The following CDH18 variants were observed in gnomAD, a reference collection of about 807,000 sequenced individuals.
The protein encoded by CDH18 is cadherin-18.
In CDH18, 31 loss-of-function variants were observed where a neutral mutation model predicts 67.9. The ratio of observed to expected loss-of-function variants is 0.46; its 90% CI spans 0.34 to 0.62. The LOEUF (loss-of-function observed/expected upper bound fraction) is 0.62. CDH18 is among the 20% of genes least tolerant of loss of function. The probability of loss-of-function intolerance (pLI) is 0.01; values close to 1 mark genes in which losing one functional copy is unlikely to be tolerated. For synonymous variants in CDH18, 362 were observed against 347.2 expected (o/e 1.04, Z -0.48); for missense variants, 890 against 975.5 (o/e 0.91, Z 1.17).
At chr5:19,685,630 T>G (rs1380380502) in intron 5 of CDH18, among the ~76,000 whole-genome samples, 1 of 152,166 alleles carries the variant, frequency 6.6e-6, no homozygotes, top group Admixed American at 6.5e-5. Context: ...TATAGACGCA[T>G]CCAGGCAGCA....
intron 2 of CDH18, among the ~76,000 whole-genome samples, chr5:20,001,033 G>GA (rs1454575398): frequency 6.6e-6 from 1 of 152,120 alleles, no homozygotes; most frequent in African/African-American, 2.4e-5. Flanking sequence ...TGGTTACTGT[G>GA]AAAAAATGAT....
chr5:19,643,056 G>C (rs982992389), intron 5 of CDH18, among the ~76,000 whole-genome samples: 1 of 151,988 alleles, frequency 6.6e-6, no homozygotes. Flanking sequence ...CAAAAGAAGA[G>C]AAATTGCTAC....
intron 2 of CDH18, among the ~76,000 whole-genome samples, chr5:20,032,079 T>C (rs1739447876): frequency 6.6e-6 from 1 of 152,046 alleles, no homozygotes; most frequent in Non-Finnish European, 1.5e-5. Context: ...TTAAAAAGCT[T>C]ATTTTCTAGA....
At chr5:19,738,923 G>T (rs1272016634) in intron 4 of CDH18, among the ~76,000 whole-genome samples, 1 of 151,926 alleles carries the variant, frequency 6.6e-6, no homozygotes, top group East Asian at 1.9e-4. Flanking sequence ...AAAAGTAAAT[G>T]GAAAGACTGA....
intron 4 of CDH18, among the ~76,000 whole-genome samples, chr5:19,731,896 C>G (rs1767645918): frequency 6.6e-6 from 1 of 152,014 alleles, no homozygotes; most frequent in Non-Finnish European, 1.5e-5. Context: ...TTAAGACCAG[C>G]CTGGGCAACA....
At chr5:20,007,700 T>C (rs1035976320) in intron 2 of CDH18, among the ~76,000 whole-genome samples, 5 of 151,436 alleles carry the variant, frequency 3.3e-5, no homozygotes, top group African/African-American at 1.2e-4. Context: ...TGTGTGTGTG[T>C]GTGTGTGTGT....
At chr5:20,063,467 T>C (rs1742686157) in intron 2 of CDH18, among the ~76,000 whole-genome samples, 1 of 152,084 alleles carries the variant, frequency 6.6e-6, no homozygotes, top group South Asian at 2.1e-4. Flanking sequence ...TCTTGTATCA[T>C]AGCAATCCCA....
chr5:19,512,555 G>T (rs1312477492), intron 10 of CDH18, among the ~76,000 whole-genome samples: 2 of 152,060 alleles, frequency 1.3e-5, no homozygotes. Context: ...AAATGGTCTA[G>T]TGTTTCAACT....
chr5:19,640,100 T>C (rs757142964), intron 5 of CDH18, among the ~76,000 whole-genome samples: 78 of 152,298 alleles, frequency 5.1e-4, no homozygotes, highest in Non-Finnish European at 9.1e-4. Context: ...TAGATCTGTC[T>C]TATGAGAAAT....
intron 1 of CDH18, among the ~76,000 whole-genome samples, chr5:20,474,915 T>C (rs967129929): frequency 7.9e-5 from 12 of 152,248 alleles, no homozygotes; most frequent in Admixed American, 5.2e-4. Context: ...TTTCATTTAT[T>C]GTGCTGTCTG....
At chr5:19,679,706 A>G (rs1760001493) in intron 5 of CDH18, among the ~76,000 whole-genome samples, 3 of 152,008 alleles carry the variant, frequency 2.0e-5, no homozygotes, top group African/African-American at 7.2e-5. Context: ...CACAAGTAGA[A>G]TAAAATATCT....
chr5:19,781,614 C>T (rs1192377462), intron 3 of CDH18, among the ~76,000 whole-genome samples: 1 of 152,008 alleles, frequency 6.6e-6, no homozygotes. Flanking sequence ...ACCACTTTAA[C>T]ATAAGATTTT....
Position 19,558,656 on chromosome 5 carries a change from A to T in CDH18, c.1253+12923T>A, listed in dbSNP as rs139554977. Among the ~76,000 whole-genome samples the T allele has an allele frequency of 1.3e-4, 20 of 152,166 alleles. 1 individual carries two copies. In the East Asian group the frequency reaches 3.5e-3, roughly 26 times the overall value. ...AGTGAGATTGACAGGGTAATTAAAA[A>T]GTTACCAACAACAAAAAAAAGTCCA... On this transcript the variant is annotated intron_variant, in intron 8 of 12. Transcript: ENST00000382275.
At chr5:19,749,454 T>C (rs1277670784) in intron 3 of CDH18, among the ~76,000 whole-genome samples, 3 of 151,526 alleles carry the variant, frequency 2.0e-5, no homozygotes, top group African/African-American at 7.3e-5. Flanking sequence ...CTTCAGGATA[T>C]GTATATGTGT....
chr5:20,569,693 T>C (rs1316335656), intron 1 of CDH18, among the ~76,000 whole-genome samples: 1 of 152,196 alleles, frequency 6.6e-6, no homozygotes, highest in Non-Finnish European at 1.5e-5. Flanking sequence ...CCAAATGAGT[T>C]GAACACTTAC....
At chr5:19,766,942 A>G (rs532160330) in intron 3 of CDH18, among the ~76,000 whole-genome samples, 2 of 152,120 alleles carry the variant, frequency 1.3e-5, no homozygotes, top group Non-Finnish European at 2.9e-5. Flanking sequence ...CTTCACTCTC[A>G]TTGAGGGGAG....
chr5:19,768,303 A>T (rs571948210), intron 3 of CDH18, among the ~76,000 whole-genome samples: 1 of 152,216 alleles, frequency 6.6e-6, no homozygotes, highest in Non-Finnish European at 1.5e-5. Flanking sequence ...TAGAATAACT[A>T]AAAAAGCTTA....
At chr5:20,265,725 AGCACTCTTTC>A (rs1019299326) in intron 1 of CDH18, among the ~76,000 whole-genome samples, 2 of 152,198 alleles carry the variant, frequency 1.3e-5, no homozygotes, top group Non-Finnish European at 1.5e-5. Context: ...TAGAGCAATG[AGCACTCTTTC>A]TTGAACACCA....
intron 5 of CDH18, among the ~76,000 whole-genome samples, chr5:19,718,120 C>CA: frequency 6.6e-6 from 1 of 152,068 alleles, no homozygotes; most frequent in East Asian, 1.9e-4. Context: ...TACAGCTACT[C>CA]AGAGATGGTT....
Sources: allele counts gnomAD v4.1 joint callset (sites outside exome capture counted in the v4.1 genomes callset), GRCh38; gene constraint gnomAD v4.1.1; transcripts MANE v1.5; gene names NCBI Gene and HGNC (gene_info 2026-07-23, HGNC 2026-07-21).